Variants in ITGA11 observed in about 807,000 individuals in gnomAD.
ITGA11 encodes integrin alpha-11.
Under a neutral mutation model 141.9 loss-of-function variants are expected in ITGA11, and 97 were observed. That is an observed-to-expected ratio of 0.68 (90% CI 0.58 to 0.81). ITGA11 has a LOEUF of 0.81. Among genes scored for constraint, ITGA11 ranks in the 30% least tolerant of loss-of-function variants. ITGA11 has a pLI of 0.00. For synonymous variants in ITGA11, 658 were observed against 624.6 expected, an observed-to-expected ratio of 1.05 and a Z score of -0.80; for missense variants, 1,387 against 1,559.2, an observed-to-expected ratio of 0.89 and a Z score of 1.86.
At chr15:68,313,607 G>A (rs775678819) in intron 23 of ITGA11, among the ~76,000 whole-genome samples, 172 bp downstream of exon 23, 5 of 152,110 alleles carry the variant, frequency 3.3e-5, no homozygotes, top group Non-Finnish European at 7.4e-5. Flanking sequence ...CCCCACATTG[G>A]ATGGGGGTGC....
intron 2 of ITGA11, among the ~76,000 whole-genome samples, chr15:68,369,625 T>A (rs918025473): frequency 6.6e-6 from 1 of 151,858 alleles, no homozygotes; most frequent in South Asian, 2.1e-4. Flanking sequence ...TGAATATGAG[T>A]TTGTCAAATG....
At chr15:68,373,432 A>T (rs1017159885) in intron 2 of ITGA11, among the ~76,000 whole-genome samples, 6 of 152,200 alleles carry the variant, frequency 3.9e-5, no homozygotes, top group African/African-American at 1.4e-4. Flanking sequence ...AATCCTTGGA[A>T]AGAGGGTTGT....
At position 68,308,318 on chromosome 15, in the gene ITGA11, C is replaced by G. The variant is rs1893265650; in HGVS notation, c.3175-622G>C. Among the ~76,000 whole-genome samples, 2 of 152,014 alleles carry G rather than the reference C, an allele frequency of 1.3e-5. No individual in the cohort carries two copies. The highest frequency in any genetic ancestry group is 4.1e-4 in the South Asian group (2 of 4,824). ...AACATGAATTCTGCTAAAATTGAAGCAAAAACAAACATCAAATTTATGGTG... is the reference window on the plus strand; with the variant it reads ...AACATGAATTCTGCTAAAATTGAAGGAAAAACAAACATCAAATTTATGGTG... On this transcript the variant is annotated intron_variant, in intron 26 of 29. Transcript: ENST00000315757. The surrounding 1 kb of genome is among the most constrained non-coding windows in gnomAD (Gnocchi z 5.2).
At chr15:68,416,286 TGGA>T (rs1485659744) in intron 1 of ITGA11, among the ~76,000 whole-genome samples, 2 of 152,190 alleles carry the variant, frequency 1.3e-5, no homozygotes, top group African/African-American at 4.8e-5. Flanking sequence ...GGGCAGCCTG[TGGA>T]GGAGTGAGGG....
intron 1 of ITGA11, among the ~76,000 whole-genome samples, chr15:68,430,213 T>C (rs1897237707): frequency 1.3e-5 from 2 of 152,084 alleles, no homozygotes; most frequent in East Asian, 3.9e-4. Context: ...TCTTCAGAGG[T>C]CCTTTAATGT....
At chr15:68,329,030 G>C (rs1367275035) in intron 15 of ITGA11, among the ~76,000 whole-genome samples, 4 of 152,160 alleles carry the variant, frequency 2.6e-5, no homozygotes, top group Non-Finnish European at 5.9e-5. Context: ...TAGAAGTAGA[G>C]TGGCTTAGAG....
chr15:68,303,536 T>TC lies in ITGA11; in HGVS notation c.3495+235dup, dbSNP rs1567119241. Among the ~76,000 whole-genome samples the TC allele has an allele frequency of 6.6e-6, 1 of 151,858 alleles. No individual in the cohort carries two copies. The highest frequency in any genetic ancestry group is 2.4e-5 in the African/African-American group (1 of 41,294). ...TGTTTGTACTTGCTTTTTTTTTTTT[T>TC]CTCTAATAATAGGAACCTTAGTTTT... is the stretch of plus-strand genomic sequence containing the variant. On this transcript the variant is annotated intron_variant, in intron 29 of 29. Coordinates refer to ENST00000315757, the MANE Select transcript of ITGA11 (RefSeq NM_001004439.2). This position sits in a 1 kb window ranked among gnomAD's most constrained non-coding sequence, Gnocchi z 5.3.
intron 2 of ITGA11, among the ~76,000 whole-genome samples, chr15:68,402,298 C>G (rs991103761): frequency 6.6e-6 from 1 of 151,980 alleles, no homozygotes; most frequent in Non-Finnish European, 1.5e-5. Flanking sequence ...TAAAAATATT[C>G]TAAAACTGAT....
At chr15:68,352,836 C>T (rs983542210) in intron 7 of ITGA11, among the ~76,000 whole-genome samples, 1 of 152,200 alleles carries the variant, frequency 6.6e-6, no homozygotes, top group Non-Finnish European at 1.5e-5. Flanking sequence ...GCTCTTGTAA[C>T]AGGCCATTGG....
chr15:68,344,755 T>C (rs1894691485), intron 10 of ITGA11, among the ~76,000 whole-genome samples: 1 of 152,104 alleles, frequency 6.6e-6, no homozygotes, highest in Non-Finnish European at 1.5e-5. Flanking sequence ...TGTTAGGTCA[T>C]CACGTGCAGG....
chr15:68,332,620 C>T (rs999127457), intron 12 of ITGA11, 142 bp from the exon 13 acceptor site: 38 of 880,772 alleles, frequency 4.3e-5, no homozygotes, highest in East Asian at 1.9e-4. Flanking sequence ...CCTTCTCACG[C>T]GCTACCTCTC....
At chr15:68,404,277 A>G (rs1896585955) in intron 1 of ITGA11, among the ~76,000 whole-genome samples, 1 of 151,996 alleles carries the variant, frequency 6.6e-6, no homozygotes, top group African/African-American at 2.4e-5. Context: ...CCTCTGAACC[A>G]GTTGACAAAG....
intron 26 of ITGA11, among the ~76,000 whole-genome samples, chr15:68,309,590 C>CTT (rs913221357): frequency 0.046 from 5,042 of 108,608 alleles, 235 homozygotes; most frequent in Non-Finnish European, 0.063. Flanking sequence ...CAATACAGTC[C>CTT]TTTTTTTTTT....
At chr15:68,407,674 C>A (rs540396534) in intron 1 of ITGA11, among the ~76,000 whole-genome samples, 1 of 152,198 alleles carries the variant, frequency 6.6e-6, no homozygotes, top group Non-Finnish European at 1.5e-5. Flanking sequence ...CTGGGCTGCT[C>A]TCCTGTGGGC....
chr15:68,311,493 C>T (rs1893383076), intron 24 of ITGA11, 90 bp from the exon 25 acceptor site: 1 of 845,590 alleles, frequency 1.2e-6, no homozygotes, highest in Non-Finnish European at 1.9e-6. Flanking sequence ...CTGGGGGTGG[C>T]AATTCCCCCA....
intron 2 of ITGA11, among the ~76,000 whole-genome samples, chr15:68,395,229 A>T (rs1241866529): frequency 6.6e-6 from 1 of 152,222 alleles, no homozygotes; most frequent in Non-Finnish European, 1.5e-5. Flanking sequence ...GAGAAACCAG[A>T]GCAGAAAAGC....
intron 1 of ITGA11, among the ~76,000 whole-genome samples, chr15:68,409,885 G>A (rs1369092958): frequency 6.6e-6 from 1 of 152,186 alleles, no homozygotes; most frequent in African/African-American, 2.4e-5. Context: ...CGGGTCCCGT[G>A]CCATCCAGCC....
rs563007165 is a variant in ITGA11 at position 68,318,102 on chromosome 15, G to A, written c.2617-739C>T. On this transcript the variant is annotated intron_variant, in intron 20 of 29. Coordinates refer to ENST00000315757, the MANE Select transcript of ITGA11 (RefSeq NM_001004439.2). ...TCCCCTTGGCTGGATGTTGGGGAGA[G>A]AGAGGAGAGGAATGCTGACCTCACA... is the stretch of plus-strand genomic sequence containing the variant. Among the ~76,000 whole-genome samples, 214 of 152,300 alleles carry A rather than the reference G, an allele frequency of 1.4e-3. 9 individuals carry two copies. In the South Asian group the frequency reaches 0.037, roughly 26 times the overall value.
Position 68,331,053 on chromosome 15 carries a change from C to T in ITGA11, c.1829G>A (p.Gly610Glu). 1.2e-6 allele frequency: 2 copies of T among 1,612,122 alleles called. No homozygotes were observed. The highest frequency in any genetic ancestry group is 1.7e-6 in the Non-Finnish European group (2 of 1,179,168). ...CCCATCCTCATTGAGGTCCAATTGC[C>T]CGTGGATGCTGCAGCCAAAATACTG... is the stretch of plus-strand genomic sequence containing the variant. ...GLQYFGCSIH[G>E]QLDLNEDGLI... Residue 610 changes from glycine (G) to glutamate (E), a missense_variant, in exon 15 of 30, where the codon GGG (glycine) becomes GAG (glutamate). Gly to Glu is a moderately conservative substitution (Grantham distance 98, BLOSUM62 -2). Transcript: ENST00000315757.
Sources: gnomAD v4.1 joint callset for allele counts (sites outside exome capture counted in the v4.1 genomes callset) on GRCh38, gnomAD v4.1.1 for gene constraint, Gnocchi (gnomAD v3.1) non-coding constraint, MANE v1.5 for transcripts, NCBI Gene and HGNC (gene_info 2026-07-23, HGNC 2026-07-21) for gene names.